The following GRM8 variants were observed in gnomAD, a reference collection of about 807,000 sequenced individuals.
The protein encoded by GRM8 is glutamate metabotropic receptor 8, also known as metabotropic glutamate receptor 8.
GRM8 carries 47 observed loss-of-function variants against 87.2 expected under a neutral mutation model. The ratio of observed to expected loss-of-function variants is 0.54; its 90% CI spans 0.43 to 0.69. GRM8 has a LOEUF of 0.69. Among genes scored for constraint, GRM8 ranks in the 30% least tolerant of loss-of-function variants. The probability of loss-of-function intolerance (pLI) is 0.00; values close to 1 mark genes in which losing one functional copy is unlikely to be tolerated. For missense variants in GRM8, 1,019 were observed against 1,139.2 expected (o/e 0.89, Z 1.52); for synonymous variants, 396 against 404.5 (o/e 0.98, Z 0.25).
chr7:126,960,936 C>T (rs1809252331), intron 3 of GRM8, among the ~76,000 whole-genome samples: 1 of 152,158 alleles, frequency 6.6e-6, no homozygotes, highest in South Asian at 2.1e-4. Flanking sequence ...TCAGGAGACA[C>T]CTCTCCTTTA....
intron 3 of GRM8, among the ~76,000 whole-genome samples, chr7:126,982,157 A>G (rs1027261901): frequency 2.0e-5 from 3 of 152,198 alleles, no homozygotes; most frequent in African/African-American, 7.2e-5. Flanking sequence ...CATCCAGTAA[A>G]GGAGAAAGAT....
intron 3 of GRM8, among the ~76,000 whole-genome samples, chr7:127,058,970 C>G (rs1258897547): frequency 3.3e-5 from 5 of 152,124 alleles, no homozygotes; most frequent in Admixed American, 2.0e-4. Context: ...GTTCTAGGTA[C>G]AAGGGCTCAG....
intron 3 of GRM8, among the ~76,000 whole-genome samples, chr7:126,939,424 T>G (rs570921261): frequency 2.6e-5 from 4 of 152,322 alleles, no homozygotes; most frequent in Admixed American, 2.6e-4. Context: ...CTAGGTTTCC[T>G]CATCTATAAC....
chr7:127,114,904 T>C lies in GRM8; in HGVS notation c.511-8192A>G, dbSNP rs74394544. ...TCAAGGAGACTAAATAAAGGGACTATTTTCAAGGCAGGAGCAGCATATAGA... is the reference window on the plus strand; with the variant it reads ...TCAAGGAGACTAAATAAAGGGACTACTTTCAAGGCAGGAGCAGCATATAGA... On this transcript the variant is annotated intron_variant, in intron 2 of 10. Coordinates refer to ENST00000339582, the MANE Select transcript of GRM8 (RefSeq NM_000845.3). Among the ~76,000 whole-genome samples, 709 of 152,200 alleles carry C rather than the reference T, an allele frequency of 4.7e-3. 7 individuals are homozygous for C. The highest frequency in any genetic ancestry group is 0.016 in the African/African-American group (667 of 41,536).
intron 7 of GRM8, among the ~76,000 whole-genome samples, chr7:126,740,293 C>G (rs1336804809): frequency 1.3e-5 from 2 of 152,220 alleles, no homozygotes; most frequent in East Asian, 3.9e-4. Context: ...CAATATGCCA[C>G]AAGCTAATAT....
At chr7:127,185,923 C>T (rs1794710827) in intron 2 of GRM8, among the ~76,000 whole-genome samples, 1 of 152,188 alleles carries the variant, frequency 6.6e-6, no homozygotes, top group Non-Finnish European at 1.5e-5. Context: ...CTATCTATTT[C>T]ACTAGGGTAT....
intron 9 of GRM8, among the ~76,000 whole-genome samples, chr7:126,520,565 G>C (rs975328747): frequency 1.3e-5 from 2 of 151,992 alleles, no homozygotes; most frequent in Admixed American, 6.6e-5. Flanking sequence ...GTCCAAAATG[G>C]GGCAACTTGA....
At chr7:126,884,995 A>G (rs1298753830) in intron 6 of GRM8, among the ~76,000 whole-genome samples, 2 of 152,312 alleles carry the variant, frequency 1.3e-5, no homozygotes, top group Non-Finnish European at 2.9e-5. Flanking sequence ...TTGTAAGGAT[A>G]GTATATCCCT....
Position 127,198,489 on chromosome 7 carries a change from C to T in GRM8, c.510+44206G>A, listed in dbSNP as rs562276251. Among the ~76,000 whole-genome samples, 104 of 152,216 alleles carry T rather than the reference C, an allele frequency of 6.8e-4. 4 individuals are homozygous for T. The South Asian group carries it at 0.021, about 31-fold the overall frequency. On this transcript the variant is annotated intron_variant, in intron 2 of 10. Coordinates refer to ENST00000339582, the MANE Select transcript of GRM8 (RefSeq NM_000845.3). ...ACAGCTGCTGGGAAGGCCAAATGGG[C>T]TAATTCTTATAAAGCACCCTGTGCA...
At chr7:126,896,425 A>G (rs1801547258) in intron 6 of GRM8, among the ~76,000 whole-genome samples, 1 of 152,148 alleles carries the variant, frequency 6.6e-6, no homozygotes, top group East Asian at 1.9e-4. Context: ...AGGGGAACCT[A>G]CCTGGGTTAT....
At chr7:126,879,091 A>T (rs949226085) in intron 6 of GRM8, among the ~76,000 whole-genome samples, 1 of 137,556 alleles carries the variant, frequency 7.3e-6, no homozygotes, top group Non-Finnish European at 1.5e-5. Flanking sequence ...TGAACTCAGA[A>T]GGTGGAGGTT....
intron 3 of GRM8, among the ~76,000 whole-genome samples, chr7:127,010,437 A>G (rs2132104358): frequency 6.6e-6 from 1 of 152,314 alleles, no homozygotes; most frequent in Admixed American, 6.5e-5. Context: ...ATGTCAAAAA[A>G]TCATGAAAGT....
chr7:126,923,781 A>G (rs1586472032), intron 3 of GRM8, among the ~76,000 whole-genome samples: 1 of 152,258 alleles, frequency 6.6e-6, no homozygotes, highest in Middle Eastern at 3.4e-3. Context: ...TATGAAATAT[A>G]TCAGTGGCTG....
intron 8 of GRM8, among the ~76,000 whole-genome samples, chr7:126,557,762 T>C (rs962801444): frequency 6.6e-6 from 1 of 152,154 alleles, no homozygotes; most frequent in Non-Finnish European, 1.5e-5. Context: ...TGGCAACATA[T>C]GTGTATGACA....
intron 3 of GRM8, among the ~76,000 whole-genome samples, chr7:127,074,874 C>A (rs1409998058): frequency 6.6e-6 from 1 of 152,162 alleles, no homozygotes; most frequent in African/African-American, 2.4e-5. Flanking sequence ...CTAGGGCTCA[C>A]CCTGATCTCT....
intron 9 of GRM8, among the ~76,000 whole-genome samples, chr7:126,457,634 C>A (rs1803405354): frequency 1.3e-5 from 2 of 151,116 alleles, no homozygotes; most frequent in African/African-American, 2.4e-5. Context: ...TGGAAATTAG[C>A]AAATATTTTG....
chr7:126,570,186 A>G (rs1382479049), intron 8 of GRM8, among the ~76,000 whole-genome samples: 4 of 152,074 alleles, frequency 2.6e-5, no homozygotes, highest in Admixed American at 1.3e-4. Flanking sequence ...TTTATTTTCA[A>G]TCAATACTTT....
At chr7:126,587,934 A>G (rs563300487) in intron 8 of GRM8, among the ~76,000 whole-genome samples, 1 of 152,086 alleles carries the variant, frequency 6.6e-6, no homozygotes, top group South Asian at 2.1e-4. Context: ...AAAAAGAAAG[A>G]ACAGTCACTA....
chr7:126,750,958 C>T (rs945363946), intron 7 of GRM8, among the ~76,000 whole-genome samples: 1 of 152,094 alleles, frequency 6.6e-6, no homozygotes, highest in African/African-American at 2.4e-5. Context: ...CAAATCCTGG[C>T]TTCACCACTT....
Sources: allele counts gnomAD v4.1 joint callset (sites outside exome capture counted in the v4.1 genomes callset), GRCh38; gene constraint gnomAD v4.1.1; transcripts MANE v1.5; gene names NCBI Gene and HGNC (gene_info 2026-07-23, HGNC 2026-07-21).